Variants in CACNA2D3 observed in about 807,000 individuals in gnomAD.
CACNA2D3 encodes the protein calcium voltage-gated channel auxiliary subunit alpha2delta 3.
In CACNA2D3, 60 loss-of-function variants were observed where a neutral mutation model predicts 160.6. The observed-to-expected ratio is 0.37, with a 90% CI of 0.30 to 0.46. CACNA2D3 has a LOEUF of 0.46. CACNA2D3 is among the 20% of genes least tolerant of loss of function. The pLI, the probability that CACNA2D3 is intolerant of heterozygous loss-of-function variation, is 1.00. For missense variants in CACNA2D3, 1,205 were observed against 1,365.0 expected, an observed-to-expected ratio of 0.88 and a Z score of 1.85; for synonymous variants, 558 against 492.9, an observed-to-expected ratio of 1.13 and a Z score of -1.75.
At chr3:54,453,407 T>C (rs1303780895) in intron 4 of CACNA2D3, among the ~76,000 whole-genome samples, 1 of 152,198 alleles carries the variant, frequency 6.6e-6, no homozygotes, top group Non-Finnish European at 1.5e-5. Flanking sequence ...AAGGTCACAA[T>C]CACAGGTACC....
At chr3:54,541,054 G>T (rs183939862) in intron 5 of CACNA2D3, among the ~76,000 whole-genome samples, 11 of 152,168 alleles carry the variant, frequency 7.2e-5, no homozygotes, top group African/African-American at 2.2e-4. Context: ...AAGGTGGGCA[G>T]ATCACGAGGT....
chr3:55,045,596 T>C (rs1704059395), intron 35 of CACNA2D3, among the ~76,000 whole-genome samples: 1 of 152,224 alleles, frequency 6.6e-6, no homozygotes. Context: ...TGAAGTTAGC[T>C]ATTATTTCTT....
At chr3:54,684,159 C>T (rs981973556) in intron 11 of CACNA2D3, among the ~76,000 whole-genome samples, 1 of 152,002 alleles carries the variant, frequency 6.6e-6, no homozygotes, top group Non-Finnish European at 1.5e-5. Flanking sequence ...GATGGTTTCA[C>T]CATGTTGGCC....
intron 35 of CACNA2D3, among the ~76,000 whole-genome samples, chr3:55,038,907 T>TATATATACACAC (rs1553636480): frequency 2.7e-5 from 3 of 113,066 alleles, no homozygotes; most frequent in African/African-American, 9.5e-5. Flanking sequence ...TATATATATA[T>TATATATACACAC]ACACACACTG....
intron 4 of CACNA2D3, among the ~76,000 whole-genome samples, chr3:54,498,080 G>T (rs949472892): frequency 3.3e-5 from 5 of 151,046 alleles, no homozygotes; most frequent in Middle Eastern, 3.5e-3. Context: ...TGGTGTCAAG[G>T]TTAGGCTACC....
intron 9 of CACNA2D3, among the ~76,000 whole-genome samples, chr3:54,621,744 C>A (rs1179682112): frequency 6.6e-6 from 1 of 152,124 alleles, no homozygotes; most frequent in Non-Finnish European, 1.5e-5. Flanking sequence ...GTGTCTCTAT[C>A]CATTTGAGAA....
intron 14 of CACNA2D3, among the ~76,000 whole-genome samples, chr3:54,832,144 A>G (rs1031842176): frequency 6.6e-5 from 10 of 151,950 alleles, no homozygotes; most frequent in Non-Finnish European, 1.2e-4. Context: ...TGACATTCTT[A>G]TAGCCATTCA....
At chr3:54,577,630 A>G (rs1702607444) in intron 8 of CACNA2D3, among the ~76,000 whole-genome samples, 1 of 131,372 alleles carries the variant, frequency 7.6e-6, no homozygotes. Flanking sequence ...ACTCACATAT[A>G]TATTTTCTTT....
chr3:54,994,094 T>C (rs982838494), intron 31 of CACNA2D3, among the ~76,000 whole-genome samples: 2 of 152,050 alleles, frequency 1.3e-5, no homozygotes, highest in African/African-American at 4.8e-5. Flanking sequence ...CTGGCTTGTG[T>C]GGAATTCCCT....
chr3:54,997,144 A>C (rs1309990736), intron 31 of CACNA2D3, among the ~76,000 whole-genome samples: 1 of 152,190 alleles, frequency 6.6e-6, no homozygotes, highest in Admixed American at 6.5e-5. Context: ...CACATTCTGC[A>C]CATGTATCCC....
chr3:54,501,477 A>G (rs1701293110), intron 4 of CACNA2D3, among the ~76,000 whole-genome samples: 1 of 149,114 alleles, frequency 6.7e-6, no homozygotes, highest in Non-Finnish European at 1.5e-5. Flanking sequence ...CACAATCATG[A>G]CTCACTGCAG....
At chr3:54,560,637 T>C (rs943361271) in intron 5 of CACNA2D3, among the ~76,000 whole-genome samples, 1 of 152,220 alleles carries the variant, frequency 6.6e-6, no homozygotes, top group African/African-American at 2.4e-5. Flanking sequence ...GTCTTTGTCA[T>C]GAAATATTTG....
intron 8 of CACNA2D3, 37 bp downstream of exon 8, chr3:54,570,141 T>A (rs1702470821): frequency 1.2e-6 from 2 of 1,601,360 alleles, no homozygotes; most frequent in Non-Finnish European, 1.7e-6. Context: ...TGCACTTGGG[T>A]TCATTTGATC....
At chr3:54,309,916 T>C (rs1038615782) in intron 2 of CACNA2D3, among the ~76,000 whole-genome samples, 4 of 152,032 alleles carry the variant, frequency 2.6e-5, no homozygotes, top group African/African-American at 7.2e-5. Flanking sequence ...CCCTGCATCC[T>C]CTCTGCTTCC....
At chr3:54,272,015 G>C (rs140944931) in intron 2 of CACNA2D3, among the ~76,000 whole-genome samples, 1 of 152,164 alleles carries the variant, frequency 6.6e-6, no homozygotes, top group African/African-American at 2.4e-5. Flanking sequence ...TCTTGTTTCA[G>C]TATAAAGCTT....
intron 4 of CACNA2D3, among the ~76,000 whole-genome samples, chr3:54,413,958 A>G (rs1699714047): frequency 6.7e-6 from 1 of 149,708 alleles, no homozygotes; most frequent in South Asian, 2.1e-4. Flanking sequence ...AATTTCTTAT[A>G]GTATGCTAGA....
chr3:54,670,635 A>G (rs980668102), intron 11 of CACNA2D3, among the ~76,000 whole-genome samples: 1 of 152,170 alleles, frequency 6.6e-6, no homozygotes, highest in African/African-American at 2.4e-5. Flanking sequence ...ATGAGCCTTT[A>G]TCACTGCGAT....
intron 5 of CACNA2D3, among the ~76,000 whole-genome samples, chr3:54,547,376 A>G (rs1196905376): frequency 6.6e-6 from 1 of 152,026 alleles, no homozygotes; most frequent in Non-Finnish European, 1.5e-5. Context: ...CATCAAAACC[A>G]CCTCAGCACA....
chr3:54,753,543 G>T (rs1167069419), intron 12 of CACNA2D3, among the ~76,000 whole-genome samples: 1 of 152,166 alleles, frequency 6.6e-6, no homozygotes, highest in Non-Finnish European at 1.5e-5. Context: ...ACTGCCCCTT[G>T]CATCTGCCAA....
Sources: allele counts gnomAD v4.1 joint callset (sites outside exome capture counted in the v4.1 genomes callset), GRCh38; gene constraint gnomAD v4.1.1; transcripts MANE v1.5; gene names NCBI Gene and HGNC (gene_info 2026-07-23, HGNC 2026-07-21).